The following SDK2 variants were observed in gnomAD, a reference collection of about 807,000 sequenced individuals.
SDK2 encodes sidekick cell adhesion molecule 2.
Under a neutral mutation model 253.9 loss-of-function variants are expected in SDK2, and 105 were observed. The observed-to-expected ratio is 0.41, with a 90% CI of 0.35 to 0.49. The LOEUF (loss-of-function observed/expected upper bound fraction) is 0.49. Among genes scored for constraint, SDK2 ranks in the 20% least tolerant of loss-of-function variants. The probability of loss-of-function intolerance (pLI) is 0.06; values close to 1 mark genes in which losing one functional copy is unlikely to be tolerated. For missense variants in SDK2, 2,608 were observed against 3,003.0 expected (o/e 0.87, Z 3.07); for synonymous variants, 1,249 against 1,234.9 (o/e 1.01, Z -0.24).
At chr17:73,369,605 G>A (rs988249093) in intron 36 of SDK2, among the ~76,000 whole-genome samples, 4 of 152,254 alleles carry the variant, frequency 2.6e-5, no homozygotes. Context: ...AAGGAACCCC[G>A]TGGCTGCAGA....
At chr17:73,522,046 A>G (rs2064083881) in intron 1 of SDK2, among the ~76,000 whole-genome samples, 1 of 152,142 alleles carries the variant, frequency 6.6e-6, no homozygotes, top group South Asian at 2.1e-4. Flanking sequence ...TGAGGCTTGG[A>G]GAGTTGAGTG....
intron 1 of SDK2, among the ~76,000 whole-genome samples, chr17:73,526,658 T>C (rs1014503849): frequency 1.3e-5 from 2 of 149,054 alleles, no homozygotes; most frequent in African/African-American, 4.9e-5. Context: ...TATGTGTGCA[T>C]ATGTGTGTGT....
At chr17:73,355,174 A>ATATATATATATATATATATATATATTT in intron 40 of SDK2, among the ~76,000 whole-genome samples, 2 of 47,228 alleles carry the variant, frequency 4.2e-5, no homozygotes, top group Non-Finnish European at 6.7e-5. Flanking sequence ...ATATATATAT[A>ATATATATATATATATATATATATATTT]TTTTTTTTTT....
chr17:73,539,937 G>T (rs2044839392), intron 1 of SDK2, among the ~76,000 whole-genome samples: 1 of 151,320 alleles, frequency 6.6e-6, no homozygotes, highest in African/African-American at 2.4e-5. Flanking sequence ...ACGGTACCCA[G>T]GATGGGCAGC....
Position 73,467,724 on chromosome 17 carries a change from G to A in SDK2, c.331+4388C>T, listed in dbSNP as rs902491954. 7.2e-5 allele frequency among the ~76,000 whole-genome samples: 11 copies of A among 152,160 alleles called. No individual in the cohort carries two copies. The highest frequency in any genetic ancestry group is 5.9e-4 in the Admixed American group (9 of 15,286). On this transcript the variant is annotated intron_variant, in intron 3 of 44. Coordinates refer to ENST00000392650, the MANE Select transcript of SDK2 (RefSeq NM_001144952.2). The surrounding 1 kb of genome is among the most constrained non-coding windows in gnomAD (Gnocchi z 4.1). ...AGGAACTGCGTTCTTCTCAAGGGTC[G>A]GAAGGACTTCCTAGGGCTTTTCTAA... is the stretch of plus-strand genomic sequence containing the variant.
At chr17:73,485,283 G>C (rs1475603795) in intron 2 of SDK2, among the ~76,000 whole-genome samples, 1 of 152,122 alleles carries the variant, frequency 6.6e-6, no homozygotes, top group Non-Finnish European at 1.5e-5. Flanking sequence ...AGGCTGAGGG[G>C]GCGAGGGAAG....
chr17:73,369,501 G>A (rs533225159), intron 36 of SDK2, among the ~76,000 whole-genome samples: 41 of 152,362 alleles, frequency 2.7e-4, no homozygotes, highest in South Asian at 4.1e-4. Flanking sequence ...CAGTTTTGTC[G>A]TACATTCAGT....
chr17:73,575,763 G>A (rs185868918), intron 1 of SDK2, among the ~76,000 whole-genome samples: 128 of 152,342 alleles, frequency 8.4e-4, no homozygotes, highest in African/African-American at 1.9e-3. Flanking sequence ...TCAGCTTAGC[G>A]TGGGAGACAG....
chr17:73,580,004 A>AG (rs2045512748), intron 1 of SDK2, among the ~76,000 whole-genome samples: 1 of 151,654 alleles, frequency 6.6e-6, no homozygotes, highest in African/African-American at 2.4e-5. Context: ...AAAAAAAAAA[A>AG]AGAGAGGTTA....
intron 1 of SDK2, among the ~76,000 whole-genome samples, chr17:73,557,692 C>T (rs2045165853): frequency 1.3e-5 from 2 of 152,106 alleles, no homozygotes; most frequent in South Asian, 4.1e-4. Flanking sequence ...TCCCTGCCTC[C>T]TAATCTCCCT....
chr17:73,433,334 G>A (rs1293264837), intron 10 of SDK2, among the ~76,000 whole-genome samples: 1 of 151,940 alleles, frequency 6.6e-6, no homozygotes, highest in Admixed American at 6.6e-5. Context: ...CCAGGCTGGA[G>A]TGCAGTGGCA....
rs76186313 is a variant in SDK2, at chr17:73,611,994, T to C, written c.64+32031A>G. Among the ~76,000 whole-genome samples, 1,185 of 152,166 alleles carry C rather than the reference T, an allele frequency of 7.8e-3. 15 individuals are homozygous for C. Among genetic ancestry groups the C allele is most frequent in the Admixed American group, 0.015 (225 of 15,290 alleles). On this transcript the variant is annotated intron_variant, in intron 1 of 44. Coordinates refer to ENST00000392650, the MANE Select transcript of SDK2 (RefSeq NM_001144952.2). ...GAGACTGTAAGTACCACAGACACTT[T>C]CCCTGTCTCAGGAGGGAGCCCACAT...
In SDK2 at chr17:73,643,400, G is replaced by A. The variant is rs986086438; in HGVS notation, c.64+625C>T. On this transcript the variant is annotated intron_variant, in intron 1 of 44. Transcript: ENST00000392650. This position sits in a 1 kb window ranked among gnomAD's most constrained non-coding sequence, Gnocchi z 6.9. ...AGACCCTCCCTGTGCACCACCCCCC[G>A]GTGGGTCCGCGGCTGCACCCGCGAC... Among the ~76,000 whole-genome samples the A allele has an allele frequency of 1.3e-5, 2 of 152,082 alleles. No individual in the cohort carries two copies. Among genetic ancestry groups the A allele is most frequent in the African/African-American group, 4.8e-5 (2 of 41,434 alleles).
intron 1 of SDK2, among the ~76,000 whole-genome samples, chr17:73,529,432 C>T (rs532259457): frequency 2.0e-5 from 3 of 152,244 alleles, no homozygotes; most frequent in Admixed American, 2.0e-4. Flanking sequence ...GGATTATTAA[C>T]AAGGCTGCCT....
Position 73,643,967 on chromosome 17 carries a change from C to CCAA in SDK2, c.64+57_64+58insTTG. The CCAA allele has an allele frequency of 2.2e-6, 2 of 902,244 alleles. No homozygotes were observed. Among genetic ancestry groups the CCAA allele is most frequent in the Non-Finnish European group, 3.5e-6 (2 of 571,516 alleles). 55.9% of individuals were successfully genotyped at this position (902,244 alleles called of 1,614,324 possible). Reference sequence around the variant, plus strand: ...GTGAGGCCGGCCAGCTCCCGCCGCCCCTCCCCCGCCCACTCTCCCAGCCCC... The same window carrying CCAA: ...GTGAGGCCGGCCAGCTCCCGCCGCCCCAACTCCCCCGCCCACTCTCCCAGCCCC... On this transcript the variant is annotated intron_variant, in intron 1 of 44. Coordinates refer to ENST00000392650, the MANE Select transcript of SDK2 (RefSeq NM_001144952.2). The surrounding 1 kb of genome is among the most constrained non-coding windows in gnomAD (Gnocchi z 6.9).
chr17:73,453,433 A>T (rs1038265425), intron 4 of SDK2, among the ~76,000 whole-genome samples: 41 of 147,760 alleles, frequency 2.8e-4, no homozygotes, highest in Non-Finnish European at 5.3e-4. Context: ...GCTAGAGTGC[A>T]GTGGTGCAAT....
At chr17:73,553,176 G>T (rs1265992987) in intron 1 of SDK2, among the ~76,000 whole-genome samples, 1 of 152,208 alleles carries the variant, frequency 6.6e-6, no homozygotes, top group Non-Finnish European at 1.5e-5. Flanking sequence ...AGCACCTTCT[G>T]GGGTGTGTGT....
At chr17:73,367,501 T>C (rs2062695521) in intron 37 of SDK2, among the ~76,000 whole-genome samples, 1 of 149,694 alleles carries the variant, frequency 6.7e-6, no homozygotes. Flanking sequence ...GGCTGGCCTC[T>C]TGTCTTTTTT....
rs757302689 is a variant in SDK2 at position 73,390,317 on chromosome 17, C to T, written c.4162G>A (p.Glu1388Lys). The T allele has an allele frequency of 1.4e-5, 22 of 1,561,716 alleles. No homozygotes were observed. The highest frequency in any genetic ancestry group is 4.7e-5 in the East Asian group (2 of 42,906). The stretch of plus-strand genomic sequence containing the variant: ...TTCTCGGTGGTCACCACCAAGGCCT[C>T]GGCAGCTTCTCCCCAGCCCTTGCGG... ...QTRKGWGEAA[E>K]ALVVTTEKRD... is the part of the protein sequence containing the mutation. Residue 1388 changes from glutamate to lysine, a missense_variant, in exon 29 of 45, where the codon GAG (glutamate) becomes AAG (lysine). Transcript: ENST00000392650.
Sources: allele counts gnomAD v4.1 joint callset (sites outside exome capture counted in the v4.1 genomes callset), GRCh38; gene constraint gnomAD v4.1.1; non-coding constraint Gnocchi (gnomAD v3.1); transcripts MANE v1.5; gene names NCBI Gene and HGNC (gene_info 2026-07-23, HGNC 2026-07-21).